The following PDLIM5 variants were observed in gnomAD, a reference collection of about 807,000 sequenced individuals.
PDLIM5 encodes the protein PDZ and LIM domain protein 5.
Under a neutral mutation model 64.2 loss-of-function variants are expected in PDLIM5, and 34 were observed. The ratio of observed to expected loss-of-function variants is 0.53; its 90% CI spans 0.40 to 0.71. The LOEUF (loss-of-function observed/expected upper bound fraction) is 0.71. Ranked by LOEUF, PDLIM5 falls within the 30% of genes least tolerant of loss-of-function variation. The pLI, the probability that PDLIM5 is intolerant of heterozygous loss-of-function variation, is 0.00. For missense variants in PDLIM5, 683 were observed against 733.6 expected, an observed-to-expected ratio of 0.93 and a Z score of 0.80; for synonymous variants, 253 against 269.1, an observed-to-expected ratio of 0.94 and a Z score of 0.59.
At chr4:94,457,465 G>T (rs913490588) in intron 2 of PDLIM5, among the ~76,000 whole-genome samples, 1 of 151,996 alleles carries the variant, frequency 6.6e-6, no homozygotes, top group Non-Finnish European at 1.5e-5. Context: ...CAATCTTTGA[G>T]TATTATTGGT....
chr4:94,515,247 C>A, intron 2 of PDLIM5, among the ~76,000 whole-genome samples: 1 of 152,088 alleles, frequency 6.6e-6, no homozygotes, highest in East Asian at 1.9e-4. Flanking sequence ...AGCCTTGCCT[C>A]TTCTTTAATA....
intron 11 of PDLIM5, among the ~76,000 whole-genome samples, chr4:94,659,253 C>T (rs6532496): frequency 0.57 from 86,255 of 151,920 alleles, 24,688 homozygotes; most frequent in African/African-American, 0.59. Context: ...TTCTGCTTTT[C>T]CCCTTGTTCT....
At chr4:94,471,279 G>C (rs573524504) in intron 2 of PDLIM5, among the ~76,000 whole-genome samples, 1 of 151,930 alleles carries the variant, frequency 6.6e-6, no homozygotes, top group African/African-American at 2.4e-5. Flanking sequence ...TAAATTACCT[G>C]TTATATTAAA....
chr4:94,622,548 GC>G, intron 8 of PDLIM5, among the ~76,000 whole-genome samples: 1 of 152,058 alleles, frequency 6.6e-6, no homozygotes, highest in African/African-American at 2.4e-5. Flanking sequence ...ACTGGTGGTG[GC>G]CCCCCAAAAT....
At chr4:94,607,931 A>C in intron 7 of PDLIM5, 1 of 523,012 alleles carries the variant, frequency 1.9e-6, no homozygotes, top group Non-Finnish European at 3.1e-6. Flanking sequence ...ATGTGAAGTA[A>C]AAGAAAACCA....
At chr4:94,470,378 A>T (rs1232808173) in intron 2 of PDLIM5, among the ~76,000 whole-genome samples, 2 of 152,216 alleles carry the variant, frequency 1.3e-5, no homozygotes. Context: ...TTGCATACAC[A>T]TTCAGGAGTT....
chr4:94,645,803 G>A (rs933372277), intron 9 of PDLIM5, among the ~76,000 whole-genome samples: 12 of 152,192 alleles, frequency 7.9e-5, no homozygotes, highest in African/African-American at 2.6e-4. Flanking sequence ...TGTGATGAAT[G>A]AATATACACA....
At chr4:94,614,026 G>C (rs932567922) in intron 7 of PDLIM5, among the ~76,000 whole-genome samples, 1 of 146,040 alleles carries the variant, frequency 6.8e-6, no homozygotes, top group African/African-American at 2.6e-5. Flanking sequence ...GCAGTGGTGC[G>C]ATCTCAGTTC....
intron 3 of PDLIM5, among the ~76,000 whole-genome samples, chr4:94,534,067 T>C (rs1731115832): frequency 6.6e-6 from 1 of 152,214 alleles, no homozygotes; most frequent in South Asian, 2.1e-4. Context: ...ATGGCCCATC[T>C]GGCAGGAAAG....
At chr4:94,626,984 A>G (rs1203205030) in intron 8 of PDLIM5, among the ~76,000 whole-genome samples, 1 of 152,218 alleles carries the variant, frequency 6.6e-6, no homozygotes, top group Non-Finnish European at 1.5e-5. Flanking sequence ...GCTTTGCACT[A>G]CAGTAATAAA....
chr4:94,542,936 A>T (rs1176132647), intron 3 of PDLIM5, among the ~76,000 whole-genome samples: 1 of 152,206 alleles, frequency 6.6e-6, no homozygotes, highest in African/African-American at 2.4e-5. Flanking sequence ...TTTGTAATTC[A>T]TTTCACAAGG....
At position 94,635,550 on chromosome 4, in the gene PDLIM5, G is replaced by A. The variant is rs564387766; in HGVS notation, c.1109-4726G>A. On this transcript the variant is annotated intron_variant, in intron 8 of 12. Transcript: ENST00000317968. ...TTTTCTTTCTACATAGAAGTAAATG[G>A]TTTTTGCAATGGGTTCAATGCATTT... Among the ~76,000 whole-genome samples the A allele has an allele frequency of 1.1e-4, 16 of 152,286 alleles. No homozygotes were observed. The South Asian group carries it at 1.2e-3, about 12-fold the overall frequency.
intron 7 of PDLIM5, among the ~76,000 whole-genome samples, chr4:94,614,076 C>T (rs1738582478): frequency 6.6e-6 from 1 of 151,202 alleles, no homozygotes. Flanking sequence ...GATTCTCCTG[C>T]CTCAGCCTCC....
At chr4:94,653,977 A>G (rs1742026669) in intron 9 of PDLIM5, among the ~76,000 whole-genome samples, 1 of 152,120 alleles carries the variant, frequency 6.6e-6, no homozygotes, top group Admixed American at 6.5e-5. Flanking sequence ...GGGGAAGAGA[A>G]ATTGTCTCAG....
chr4:94,585,519 A>G (rs946296934), intron 5 of PDLIM5, 46 bp from the exon 6 acceptor site: 1 of 1,173,154 alleles, frequency 8.5e-7, no homozygotes. Context: ...TTATCCTTTT[A>G]ATATAACTTT....
At chr4:94,629,369 T>G (rs895304972) in intron 8 of PDLIM5, among the ~76,000 whole-genome samples, 1 of 151,936 alleles carries the variant, frequency 6.6e-6, no homozygotes, top group African/African-American at 2.4e-5. Context: ...AAATTCTGTG[T>G]GTATATTGTG....
At chr4:94,610,144 CT>C in intron 7 of PDLIM5, 1 of 1,481,510 alleles carries the variant, frequency 6.7e-7, no homozygotes, top group Admixed American at 2.3e-5. Flanking sequence ...TCCTGTTTTT[CT>C]TTCCCTACCT....
intron 2 of PDLIM5, among the ~76,000 whole-genome samples, chr4:94,460,612 C>A: frequency 6.7e-6 from 1 of 148,416 alleles, no homozygotes. Flanking sequence ...CAGAACCAGA[C>A]CCTGTCTCAA....
intron 7 of PDLIM5, 102 bp downstream of exon 7, chr4:94,586,546 T>C (rs774408605): frequency 1.5e-6 from 1 of 685,246 alleles, no homozygotes; most frequent in Non-Finnish European, 2.6e-6. Flanking sequence ...ATTTCGTCTT[T>C]GCAGCTAGAA....
Sources: gnomAD v4.1 joint callset for allele counts (sites outside exome capture counted in the v4.1 genomes callset) on GRCh38, gnomAD v4.1.1 for gene constraint, MANE v1.5 for transcripts, NCBI Gene and HGNC (gene_info 2026-07-23, HGNC 2026-07-21) for gene names.